Variants in STAB2 observed in about 807,000 individuals in gnomAD.
The protein encoded by STAB2 is stabilin 2.
Under a neutral mutation model 338.1 loss-of-function variants are expected in STAB2, and 288 were observed. The observed-to-expected ratio is 0.85, with a 90% confidence interval of 0.77 to 0.94. STAB2 has a LOEUF of 0.94. Ranked by LOEUF, STAB2 falls within the 40% of genes least tolerant of loss-of-function variation. The probability of loss-of-function intolerance (pLI) is 0.00; values close to 1 mark genes in which losing one functional copy is unlikely to be tolerated. For synonymous variants in STAB2, 1,202 were observed against 1,193.3 expected (o/e 1.01, Z -0.15); for missense variants, 3,141 against 3,210.1 (o/e 0.98, Z 0.52).
At chr12:103,644,558 TAAA>T (rs1423755629) in intron 9 of STAB2, among the ~76,000 whole-genome samples, 2 of 137,434 alleles carry the variant, frequency 1.5e-5, no homozygotes, top group African/African-American at 3.3e-5. Flanking sequence ...AATAAATAAA[TAAA>T]TAAATAAATA....
At position 103,684,998 on chromosome 12, in the gene STAB2, C is replaced by A; in HGVS notation, c.2911C>A (p.Gln971Lys). 1 of 1,613,836 alleles carries A rather than the reference C, an allele frequency of 6.2e-7. No individual in the cohort carries two copies. The highest frequency in any genetic ancestry group is 1.1e-5 in the South Asian group (1 of 91,048). ...TGKCHPLASC[Q>K]STSSGVWSCV... ...ATCTTGGTTTTCTCAGGCAAGCTGT[C>A]AATCTACTTCGTCTGGTGTCTGGAG... The change falls in exon 27 of 69, where the codon CAA becomes AAA. Residue 971 changes from glutamine to lysine, a missense_variant. By Grantham distance (53) the Gln-to-Lys change is moderately conservative. Coordinates refer to ENST00000388887, the MANE Select transcript of STAB2 (RefSeq NM_017564.10).
Position 103,701,422 on chromosome 12 carries a change from A to T in STAB2, c.3715-1726A>T, listed in dbSNP as rs530704233. On this transcript the variant is annotated intron_variant, in intron 34 of 68. Transcript: ENST00000388887. The stretch of plus-strand genomic sequence containing the variant: ...TTTCTAGTTCTAGATCCCTGAGGAA[A>T]CGCCACACTGACTTCCACAATGGTT... Among the ~76,000 whole-genome samples, 146 of 152,262 alleles carry T rather than the reference A, an allele frequency of 9.6e-4. 1 individual carries two copies. The highest frequency in any genetic ancestry group is 3.4e-3 in the African/African-American group (141 of 41,546).
chr12:103,661,409 T>C (rs1360193308), intron 17 of STAB2, among the ~76,000 whole-genome samples: 1 of 152,188 alleles, frequency 6.6e-6, no homozygotes, highest in Admixed American at 6.5e-5. Context: ...TCTCATTCTT[T>C]CAACAAATAT....
In STAB2 at chr12:103,692,093, T is replaced by C. The variant is rs1877984759; in HGVS notation, c.3298-719T>C. ...ACAGGCATTTATTTTCTCACAGTTC[T>C]GAAGGCCAGAAGTCCAAGATCAAGA... On this transcript the variant is annotated intron_variant, in intron 30 of 68. Coordinates refer to ENST00000388887, the MANE Select transcript of STAB2 (RefSeq NM_017564.10). Among the ~76,000 whole-genome samples, 3 of 152,228 alleles carry C rather than the reference T, an allele frequency of 2.0e-5. 1 individual carries two copies. Among genetic ancestry groups the C allele is most frequent in the Non-Finnish European group, 1.5e-5 (1 of 68,048 alleles).
chr12:103,611,662 A>C (rs150431527), intron 3 of STAB2, among the ~76,000 whole-genome samples: 2,625 of 152,210 alleles, frequency 0.017, 69 homozygotes, highest in African/African-American at 0.06. Flanking sequence ...TGTGTCTTTT[A>C]ATTGGAGCAT....
chr12:103,614,691 G>A (rs1183715162), intron 3 of STAB2, among the ~76,000 whole-genome samples: 1 of 152,200 alleles, frequency 6.6e-6, no homozygotes, highest in African/African-American at 2.4e-5. Flanking sequence ...ACATTGCCTA[G>A]TGTCCAGCTG....
Position 103,676,009 on chromosome 12 carries a change from C to T in STAB2, c.2634C>T (p.Gly878=). ...CTTGCACAGGACTAACTCCAGGAGG[C>T]TGTAGCCGCAATGTGAGTACTGGTC... The part of the protein sequence containing the change: ...MDPCTGLTPG[G]CSRNAECIKT... Residue 878 remains glycine, a synonymous_variant, in exon 24 of 69, where the codon GGC becomes GGT. Transcript: ENST00000388887. The T allele has an allele frequency of 6.2e-7, 1 of 1,602,470 alleles. No individual in the cohort carries two copies. The highest frequency in any genetic ancestry group is 1.1e-5 in the South Asian group (1 of 90,142).
chr12:103,723,725 G>A (rs1880956442), intron 44 of STAB2, among the ~76,000 whole-genome samples: 1 of 152,190 alleles, frequency 6.6e-6, no homozygotes, highest in African/African-American at 2.4e-5. Flanking sequence ...CATAGTGATG[G>A]AGGGAGAGAA....
chr12:103,680,438 T>A (rs937427914), intron 25 of STAB2, among the ~76,000 whole-genome samples: 1 of 152,096 alleles, frequency 6.6e-6, no homozygotes, highest in African/African-American at 2.4e-5. Flanking sequence ...GCATAAAGGG[T>A]CTGTTTCTTG....
At chr12:103,712,675 A>AACCC (rs1263336553) in intron 41 of STAB2, among the ~76,000 whole-genome samples, 1 of 152,204 alleles carries the variant, frequency 6.6e-6, no homozygotes, top group East Asian at 1.9e-4. Flanking sequence ...TTGTGTTGAG[A>AACCC]ACCCACATAA....
At chr12:103,589,654 G>T (rs1308632179) in intron 1 of STAB2, among the ~76,000 whole-genome samples, 2 of 152,340 alleles carry the variant, frequency 1.3e-5, no homozygotes, top group Admixed American at 1.3e-4. Flanking sequence ...AAGAGTAGAA[G>T]TTGAGAAAAG....
At chr12:103,729,412 T>C (rs1426391664) in intron 48 of STAB2, among the ~76,000 whole-genome samples, 6 of 152,220 alleles carry the variant, frequency 3.9e-5, no homozygotes, top group Admixed American at 6.5e-5. Context: ...TTCTCTTTTT[T>C]TCCTTAAAGT....
Position 103,766,426 on chromosome 12 carries a change from A to C in STAB2, c.*90A>C. 6.9e-7 allele frequency: 1 copy of C among 1,440,898 alleles called. No individual in the cohort carries two copies. Among genetic ancestry groups the C allele is most frequent in the Non-Finnish European group, 9.5e-7 (1 of 1,057,768 alleles). The allele number at this position is 1,440,898 out of a possible 1,614,324, so 89.3% of individuals were successfully genotyped here. ...GCACCAGTTGCCTTTTAGGAACGTA[A>C]AGTCCTTTAAGCACTCAGAAGCCAT... On this transcript the variant is annotated 3_prime_UTR_variant, in exon 69 of 69. Transcript: ENST00000388887.
chr12:103,593,925 C>A (rs1199160004), intron 2 of STAB2, among the ~76,000 whole-genome samples: 2 of 152,230 alleles, frequency 1.3e-5, no homozygotes, highest in Non-Finnish European at 2.9e-5. Context: ...ATGTTCCTTG[C>A]TGCATTATAC....
In STAB2 at chr12:103,708,507, T is replaced by A. The variant is rs747654578; in HGVS notation, c.4259T>A (p.Val1420Asp). The A allele has an allele frequency of 6.2e-7, 1 of 1,614,056 alleles. No homozygotes were observed. Among genetic ancestry groups the A allele is most frequent in the South Asian group, 1.1e-5 (1 of 91,068 alleles). Reference protein sequence around the residue: ...PLGDGSCDCDVGWRGVHCDNA... With the variant: ...PLGDGSCDCDDGWRGVHCDNA... Reference sequence around the variant, plus strand: ...GGAGATGGCTCCTGTGACTGTGATGTTGGCTGGCGAGGAGTGCATTGTGAC... The same window carrying A: ...GGAGATGGCTCCTGTGACTGTGATGATGGCTGGCGAGGAGTGCATTGTGAC... The change falls in exon 39 of 69, where the codon GTT (valine) becomes GAT (aspartate). Residue 1420 changes from valine (V) to aspartate (D), a missense_variant. Transcript: ENST00000388887.
intron 59 of STAB2, among the ~76,000 whole-genome samples, chr12:103,749,841 C>CAAAAAAAAAAAAAAAAAAAAAAAAAAAA (rs369556936): frequency 5.9e-5 from 3 of 51,152 alleles, no homozygotes; most frequent in Admixed American, 3.3e-4. Flanking sequence ...CTCTGTCTCA[C>CAAAAAAAAAAAAAAAAAAAAAAAAAAAA]AAAAAAAAAA....
chr12:103,659,910 C>G (rs1874469437), intron 15 of STAB2, among the ~76,000 whole-genome samples: 1 of 152,178 alleles, frequency 6.6e-6, no homozygotes, highest in African/African-American at 2.4e-5. Flanking sequence ...AATAATAAAT[C>G]AAGACTGTCT....
At position 103,669,623 on chromosome 12, in the gene STAB2, G is replaced by A; in HGVS notation, c.2255G>A (p.Gly752Glu). Residue 752 changes from glycine (G) to glutamate (E), a missense_variant, in exon 21 of 69, where the codon GGA (glycine) becomes GAA (glutamate). Gly to Glu is a moderately conservative substitution (Grantham distance 98, BLOSUM62 -2). Transcript: ENST00000388887. The part of the protein sequence containing the change: ...GGFSNPCSGN[G>E]QCADSLGGNG... ...TTCTCAAATCCATGCTCAGGAAATG[G>A]ACAGGTGAATACTGAAGACTGGCCT... The A allele has an allele frequency of 6.2e-7, 1 of 1,613,952 alleles. No homozygotes were observed. The highest frequency in any genetic ancestry group is 8.5e-7 in the Non-Finnish European group (1 of 1,179,860).
At chr12:103,626,105 A>C (rs1957377174) in intron 5 of STAB2, among the ~76,000 whole-genome samples, 1 of 152,198 alleles carries the variant, frequency 6.6e-6, no homozygotes, top group East Asian at 1.9e-4. Context: ...TTAAACTGAG[A>C]CCCAAGAGAA....
Sources: allele counts gnomAD v4.1 joint callset (sites outside exome capture counted in the v4.1 genomes callset), GRCh38; gene constraint gnomAD v4.1.1; transcripts MANE v1.5; gene names NCBI Gene and HGNC (gene_info 2026-07-23, HGNC 2026-07-21).